Variants in ASAP1 observed in about 807,000 individuals in gnomAD.
The protein encoded by ASAP1 is ArfGAP with SH3 domain, ankyrin repeat and PH domain 1.
Under a neutral mutation model 145.2 loss-of-function variants are expected in ASAP1, and 43 were observed. The observed-to-expected ratio is 0.30, with a 90% CI of 0.23 to 0.38. The LOEUF (loss-of-function observed/expected upper bound fraction) is 0.38, where lower values mean the gene tolerates loss of function less well. Ranked by LOEUF, ASAP1 falls within the 10% of genes least tolerant of loss-of-function variation. The probability of loss-of-function intolerance (pLI) is 1.00; values close to 1 mark genes in which losing one functional copy is unlikely to be tolerated. For synonymous variants in ASAP1, 546 were observed against 515.5 expected, an observed-to-expected ratio of 1.06 and a Z score of -0.80; for missense variants, 1,018 against 1,355.3, an observed-to-expected ratio of 0.75 and a Z score of 3.91.
intron 14 of ASAP1, among the ~76,000 whole-genome samples, chr8:130,135,167 C>T (rs974039049): frequency 1.3e-5 from 2 of 152,228 alleles, no homozygotes; most frequent in Non-Finnish European, 2.9e-5. Flanking sequence ...CCCTTCATCT[C>T]TCTTGGAGAG....
intron 22 of ASAP1, among the ~76,000 whole-genome samples, chr8:130,116,254 G>C (rs1032313286): frequency 6.6e-6 from 1 of 152,198 alleles, no homozygotes; most frequent in Non-Finnish European, 1.5e-5. Flanking sequence ...GGTCAAAAAA[G>C]GTGAATGTGC....
intron 3 of ASAP1, among the ~76,000 whole-genome samples, chr8:130,315,646 CAGGG>C (rs1285606914): frequency 6.6e-6 from 1 of 152,214 alleles, no homozygotes; most frequent in Non-Finnish European, 1.5e-5. Flanking sequence ...CCTCCATTAG[CAGGG>C]TCCCCTGCTT....
chr8:130,116,651 A>AAT (rs772596450), intron 22 of ASAP1, 27 bp downstream of exon 22: 1 of 1,603,132 alleles, frequency 6.2e-7, no homozygotes, highest in Non-Finnish European at 8.5e-7. Context: ...AATGTCTAAT[A>AAT]AATCTCCCAC....
At chr8:130,094,838 T>C (rs1435802585) in intron 24 of ASAP1, among the ~76,000 whole-genome samples, 1 of 152,206 alleles carries the variant, frequency 6.6e-6, no homozygotes, top group Non-Finnish European at 1.5e-5. Flanking sequence ...TAATAGATAA[T>C]AGACAATGGT....
At chr8:130,147,198 C>CAA (rs559149769) in intron 13 of ASAP1, among the ~76,000 whole-genome samples, 12 of 63,370 alleles carry the variant, frequency 1.9e-4, no homozygotes, top group East Asian at 5.6e-4. Flanking sequence ...AATGCAGTCT[C>CAA]AAAAAAAAAA....
At chr8:130,133,759 T>C (rs2097587604) in intron 15 of ASAP1, among the ~76,000 whole-genome samples, 1 of 151,580 alleles carries the variant, frequency 6.6e-6, no homozygotes, top group Admixed American at 6.6e-5. Flanking sequence ...TATATCACGC[T>C]CCCTTTTATT....
At position 130,095,195 on chromosome 8, in the gene ASAP1, G is replaced by C. The variant is rs191305528; in HGVS notation, c.2402-3052C>G. Among the ~76,000 whole-genome samples, 272 of 151,750 alleles carry C rather than the reference G, an allele frequency of 1.8e-3. 1 individual carries two copies. The highest frequency in any genetic ancestry group is 6.1e-3 in the African/African-American group (251 of 41,366). On this transcript the variant is annotated intron_variant, in intron 24 of 29. Transcript: ENST00000518721. ...CTGACTCTCCCATAAGACTGGGAGA[G>C]TTGTATTAGGGCCAGGCTTTTCTCT...
intron 27 of ASAP1, among the ~76,000 whole-genome samples, chr8:130,074,393 T>G (rs2097457068): frequency 6.6e-6 from 1 of 151,680 alleles, no homozygotes; most frequent in Non-Finnish European, 1.5e-5. Context: ...TTCTGTGTCT[T>G]TTTTTGTATT....
In ASAP1 at chr8:130,335,962, GTATGA is replaced by G. The variant is rs1358436401; in HGVS notation, c.186+22050_186+22054del. Among the ~76,000 whole-genome samples the G allele has an allele frequency of 1.4e-4, 21 of 152,264 alleles. No homozygotes were observed. In the South Asian group the frequency reaches 4.4e-3, roughly 32 times the overall value. ...CTCCAAGCAACTTAATGGTTATGAA[GTATGA>G]TTACTGGGAAATGAAATTTCCAAGT... On this transcript the variant is annotated intron_variant, in intron 3 of 29. Coordinates refer to ENST00000518721, the MANE Select transcript of ASAP1 (RefSeq NM_018482.4).
intron 13 of ASAP1, among the ~76,000 whole-genome samples, chr8:130,138,836 C>CAAAA (rs754901058): frequency 2.5e-5 from 2 of 81,440 alleles, no homozygotes; most frequent in South Asian, 3.8e-4. Flanking sequence ...AACTCCGTCT[C>CAAAA]AAAAAAAAAA....
intron 2 of ASAP1, among the ~76,000 whole-genome samples, chr8:130,375,666 G>A (rs1209332464): frequency 6.6e-6 from 1 of 152,162 alleles, no homozygotes; most frequent in Non-Finnish European, 1.5e-5. Flanking sequence ...GGCAAAGAAG[G>A]GAGTTCCCAT....
chr8:130,289,909 C>T (rs1192083480), intron 3 of ASAP1, among the ~76,000 whole-genome samples: 1 of 152,170 alleles, frequency 6.6e-6, no homozygotes, highest in African/African-American at 2.4e-5. Flanking sequence ...AGTTTAGCTT[C>T]TAAAAGCCTC....
chr8:130,173,153 G>C (rs1052221783), intron 9 of ASAP1, among the ~76,000 whole-genome samples: 1 of 152,234 alleles, frequency 6.6e-6, no homozygotes, highest in Non-Finnish European at 1.5e-5. Flanking sequence ...GCCCCTTGCA[G>C]AAAGTAATTT....
chr8:130,336,697 G>A (rs1320145615), intron 3 of ASAP1, among the ~76,000 whole-genome samples: 1 of 152,112 alleles, frequency 6.6e-6, no homozygotes, highest in Non-Finnish European at 1.5e-5. Flanking sequence ...GCCAACCAGG[G>A]GGAAAAATAC....
intron 5 of ASAP1, among the ~76,000 whole-genome samples, chr8:130,213,841 A>G (rs1174562141): frequency 1.3e-5 from 2 of 152,158 alleles, no homozygotes; most frequent in Non-Finnish European, 2.9e-5. Context: ...AAGTGTGCAC[A>G]TGGTATGAGG....
intron 2 of ASAP1, among the ~76,000 whole-genome samples, chr8:130,398,640 A>T (rs1476997296): frequency 1.3e-5 from 2 of 152,260 alleles, no homozygotes; most frequent in Non-Finnish European, 2.9e-5. Flanking sequence ...TAGTCATAAT[A>T]GCTAGAACTT....
chr8:130,076,187 T>G (rs916436832), intron 27 of ASAP1, among the ~76,000 whole-genome samples, 161 bp downstream of exon 27: 1 of 152,232 alleles, frequency 6.6e-6, no homozygotes, highest in Non-Finnish European at 1.5e-5. Context: ...TATAAATACC[T>G]TTCGTCATTT....
At chr8:130,342,948 T>C (rs1312301600) in intron 3 of ASAP1, among the ~76,000 whole-genome samples, 1 of 152,102 alleles carries the variant, frequency 6.6e-6, no homozygotes, top group Non-Finnish European at 1.5e-5. Flanking sequence ...TTCACAACCA[T>C]GTGTGAACGA....
rs188876912 is a variant in ASAP1 at position 130,219,987 on chromosome 8, C to T, written c.260-5286G>A. On this transcript the variant is annotated intron_variant, in intron 4 of 29. Transcript: ENST00000518721. ...AATTTTTTGTAGAGATGGGGTCTTGCCATGTTGCCCAGGCTCGTCTCCAAC... is the reference window on the plus strand; with the variant it reads ...AATTTTTTGTAGAGATGGGGTCTTGTCATGTTGCCCAGGCTCGTCTCCAAC... Among the ~76,000 whole-genome samples, 10 of 152,204 alleles carry T rather than the reference C, an allele frequency of 6.6e-5. No homozygotes were observed. In the East Asian group the frequency reaches 1.9e-3, roughly 29 times the overall value.
Sources: allele counts gnomAD v4.1 joint callset (sites outside exome capture counted in the v4.1 genomes callset), GRCh38; gene constraint gnomAD v4.1.1; transcripts MANE v1.5; gene names NCBI Gene and HGNC (gene_info 2026-07-23, HGNC 2026-07-21).